The following DYTN variants were observed in gnomAD, a reference collection of about 807,000 sequenced individuals.
DYTN encodes the protein dystrotelin.
In DYTN, 75 loss-of-function variants were observed where a neutral mutation model predicts 69.6. The observed-to-expected ratio is 1.08, with a 90% CI of 0.89 to 1.31. The LOEUF (loss-of-function observed/expected upper bound fraction) is 1.31, where lower values mean the gene tolerates loss of function less well. DYTN is among the 50% of genes most tolerant of loss of function. The probability of loss-of-function intolerance (pLI) is 0.00; values close to 1 mark genes in which losing one functional copy is unlikely to be tolerated. For missense variants in DYTN, 726 were observed against 688.4 expected (o/e 1.05, Z -0.61); for synonymous variants, 252 against 249.1 (o/e 1.01, Z -0.11).
At chr2:206,690,356 G>A (rs1385675622) in intron 9 of DYTN, among the ~76,000 whole-genome samples, 1 of 152,226 alleles carries the variant, frequency 6.6e-6, no homozygotes, top group African/African-American at 2.4e-5. Flanking sequence ...AGCTGGTGGG[G>A]AACAGGGTTT....
At chr2:206,710,751 A>G (rs1700072511) in intron 1 of DYTN, among the ~76,000 whole-genome samples, 153 bp from the exon 2 acceptor site, 1 of 152,182 alleles carries the variant, frequency 6.6e-6, no homozygotes, top group Non-Finnish European at 1.5e-5. Flanking sequence ...GTAAACAAAT[A>G]AAAATAGACT....
chr2:206,714,338 G>T (rs1229247785), intron 1 of DYTN, among the ~76,000 whole-genome samples: 1 of 152,206 alleles, frequency 6.6e-6, no homozygotes, highest in African/African-American at 2.4e-5. Context: ...GAGTAGCTGG[G>T]ATTACAGGCG....
intron 3 of DYTN, 46 bp downstream of exon 3, chr2:206,707,256 A>G: frequency 1.9e-6 from 3 of 1,578,610 alleles, no homozygotes; most frequent in Non-Finnish European, 2.6e-6. Flanking sequence ...ACCACTGGAA[A>G]CTAAACTTTG....
chr2:206,670,432 G>A (rs1050236630), intron 9 of DYTN: 5 of 151,744 alleles, frequency 3.3e-5, no homozygotes, highest in Non-Finnish European at 7.4e-5. Flanking sequence ...TAAAAGCAAA[G>A]GAAATGCTAT....
intron 9 of DYTN, among the ~76,000 whole-genome samples, chr2:206,690,630 A>T (rs1317051950): frequency 6.6e-6 from 1 of 152,230 alleles, no homozygotes; most frequent in Non-Finnish European, 1.5e-5. Flanking sequence ...TTTTGAAGGT[A>T]CAACCAACAA....
At chr2:206,717,633 T>C (rs1208481835) in intron 1 of DYTN, among the ~76,000 whole-genome samples, 4 of 152,218 alleles carry the variant, frequency 2.6e-5, no homozygotes, top group African/African-American at 7.2e-5. Context: ...TGTAATCATT[T>C]ATAATGTTGT....
chr2:206,691,361 C>A (rs1248839124), intron 9 of DYTN, among the ~76,000 whole-genome samples: 1 of 151,826 alleles, frequency 6.6e-6, no homozygotes, highest in East Asian at 1.9e-4. Context: ...CGCAGCGAGC[C>A]GAGATGGTGC....
At chr2:206,703,470 A>T (rs1699995217) in intron 5 of DYTN, among the ~76,000 whole-genome samples, 1 of 152,156 alleles carries the variant, frequency 6.6e-6, no homozygotes, top group South Asian at 2.1e-4. Context: ...TGCAACTACC[A>T]GTGCAGCTCA....
chr2:206,702,688 G>GT (rs1237026950), intron 5 of DYTN, among the ~76,000 whole-genome samples: 1 of 152,144 alleles, frequency 6.6e-6, no homozygotes, highest in African/African-American at 2.4e-5. Flanking sequence ...TGGGAAAGGA[G>GT]TTTTACTTCA....
At chr2:206,665,321 T>C (rs1699558085) in intron 10 of DYTN, among the ~76,000 whole-genome samples, 1 of 152,190 alleles carries the variant, frequency 6.6e-6, no homozygotes, top group Non-Finnish European at 1.5e-5. Context: ...TTATTATTTT[T>C]ATGTTTTAGT....
intron 7 of DYTN, 74 bp downstream of exon 7, chr2:206,699,653 T>A (rs1328399975): frequency 6.7e-7 from 1 of 1,491,174 alleles, no homozygotes; most frequent in Admixed American, 2.5e-5. Context: ...CCAAAAAGAA[T>A]CTGAAGGGAT....
rs145504728 is a variant in DYTN, at chr2:206,717,922, C to T, written c.19+339G>A. 4.5e-3 allele frequency among the ~76,000 whole-genome samples: 666 copies of T among 149,102 alleles called. 5 individuals carry two copies. Among genetic ancestry groups the T allele is most frequent in the Non-Finnish European group, 7.9e-3 (530 of 67,438 alleles). On this transcript the variant is annotated intron_variant, in intron 1 of 11. Transcript: ENST00000452335. ...CTTACCTATGACATTAAAATATATA[C>T]GATAATTTCATTTTAATAGTAAACT...
intron 11 of DYTN, among the ~76,000 whole-genome samples, chr2:206,658,185 CTAT>C (rs2105886515): frequency 6.6e-6 from 1 of 152,082 alleles, no homozygotes; most frequent in Non-Finnish European, 1.5e-5. Context: ...AGCTCCAAGA[CTAT>C]TGTTTGGTTC....
intron 7 of DYTN, among the ~76,000 whole-genome samples, chr2:206,698,702 A>G (rs16838596): frequency 0.3 from 46,393 of 152,122 alleles, 7,234 homozygotes; most frequent in East Asian, 0.44. Context: ...TCTTTCTCTA[A>G]GATGGGATTT....
intron 11 of DYTN, among the ~76,000 whole-genome samples, chr2:206,656,840 G>A (rs551299854): frequency 1.4e-4 from 21 of 149,304 alleles, no homozygotes; most frequent in South Asian, 4.2e-4. Context: ...TTGGTTCACC[G>A]CAACCTCTGC....
At chr2:206,701,891 G>A (rs188922606) in intron 5 of DYTN, among the ~76,000 whole-genome samples, 3 of 152,134 alleles carry the variant, frequency 2.0e-5, no homozygotes, top group East Asian at 1.9e-4. Flanking sequence ...ACATCATGTC[G>A]TACACCTTGA....
intron 10 of DYTN, among the ~76,000 whole-genome samples, chr2:206,663,733 A>G (rs1285612009): frequency 6.6e-6 from 1 of 152,258 alleles, no homozygotes; most frequent in East Asian, 1.9e-4. Context: ...GATAAAAATT[A>G]TCACAATAAA....
chr2:206,705,952 C>T (rs527523670), intron 3 of DYTN, 79 bp from the exon 4 acceptor site: 1 of 1,481,124 alleles, frequency 6.8e-7, no homozygotes, highest in East Asian at 2.4e-5. Context: ...AAAACCATAA[C>T]TATTAATGGG....
chr2:206,653,403 A>G (rs1273869101), intron 11 of DYTN, among the ~76,000 whole-genome samples: 4 of 152,200 alleles, frequency 2.6e-5, no homozygotes, highest in Non-Finnish European at 5.9e-5. Flanking sequence ...TAAGGACTGA[A>G]TTAATATAGC....
Sources: gnomAD v4.1 joint callset for allele counts (sites outside exome capture counted in the v4.1 genomes callset) on GRCh38, gnomAD v4.1.1 for gene constraint, MANE v1.5 for transcripts, NCBI Gene and HGNC (gene_info 2026-07-23, HGNC 2026-07-21) for gene names.